GLIS3: variants seen among roughly 807,000 people sequenced by gnomAD.
The protein encoded by GLIS3 is zinc finger protein GLIS3.
Under a neutral mutation model 78.6 loss-of-function variants are expected in GLIS3, and 53 were observed. The observed-to-expected ratio is 0.67, with a 90% CI of 0.54 to 0.85. The LOEUF (loss-of-function observed/expected upper bound fraction) is 0.85. GLIS3 is among the 40% of genes least tolerant of loss of function. The pLI, the probability that GLIS3 is intolerant of heterozygous loss-of-function variation, is 0.00. For missense variants in GLIS3, 1,703 were observed against 1,231.1 expected, an observed-to-expected ratio of 1.38 and a Z score of -5.74; for synonymous variants, 684 against 509.9, an observed-to-expected ratio of 1.34 and a Z score of -4.60.
At chr9:4,053,110 G>A (rs1221063606) in intron 4 of GLIS3, among the ~76,000 whole-genome samples, 2 of 152,148 alleles carry the variant, frequency 1.3e-5, no homozygotes, top group East Asian at 1.9e-4. Context: ...CCCACATCTG[G>A]CTAATTTTTG....
chr9:4,132,076 C>G (rs1356326326), intron 2 of GLIS3, among the ~76,000 whole-genome samples: 2 of 150,194 alleles, frequency 1.3e-5, no homozygotes, highest in East Asian at 2.0e-4. Context: ...CAAAAAACCA[C>G]ATGTCATCAC....
intron 2 of GLIS3, among the ~76,000 whole-genome samples, chr9:4,326,902 G>C (rs1361262333): frequency 6.6e-6 from 1 of 152,126 alleles, no homozygotes; most frequent in South Asian, 2.1e-4. Context: ...ATGCCAGCAA[G>C]GTTTTTCCTT....
intron 2 of GLIS3, among the ~76,000 whole-genome samples, chr9:4,164,691 A>C (rs369248564): frequency 6.6e-6 from 1 of 152,192 alleles, no homozygotes; most frequent in Admixed American, 6.5e-5. Flanking sequence ...TTAGATGGCA[A>C]AGAACATCCC....
chr9:4,461,099 A>T, the GLIS3 span, among the ~76,000 whole-genome samples: 1 of 152,182 alleles, frequency 6.6e-6, no homozygotes, highest in African/African-American at 2.4e-5. Context: ...TCAGAGCATG[A>T]ATATGTCACT....
intron 2 of GLIS3, among the ~76,000 whole-genome samples, chr9:4,239,985 CT>C (rs954302707): frequency 1.3e-5 from 2 of 152,114 alleles, no homozygotes; most frequent in Non-Finnish European, 2.9e-5. Context: ...TCTAACTTCA[CT>C]TTTTTTACGT....
intron 4 of GLIS3, among the ~76,000 whole-genome samples, chr9:3,998,992 T>A (rs1177911887): frequency 6.6e-6 from 1 of 151,924 alleles, no homozygotes; most frequent in South Asian, 2.1e-4. Context: ...CATGCATACA[T>A]AAAGTTACTT....
chr9:4,175,843 T>A (rs1437384356), intron 2 of GLIS3, among the ~76,000 whole-genome samples: 1 of 152,150 alleles, frequency 6.6e-6, no homozygotes, highest in Non-Finnish European at 1.5e-5. Flanking sequence ...GGTAACCCCA[T>A]AAAAGAAGTA....
At chr9:4,017,017 C>A (rs918882451) in intron 4 of GLIS3, among the ~76,000 whole-genome samples, 3 of 152,190 alleles carry the variant, frequency 2.0e-5, no homozygotes, top group African/African-American at 7.2e-5. Context: ...ATTCAATCGG[C>A]CATCATGTGC....
At chr9:4,450,242 G>T in the GLIS3 span, among the ~76,000 whole-genome samples, 1 of 152,150 alleles carries the variant, frequency 6.6e-6, no homozygotes, top group African/African-American at 2.4e-5. Context: ...GAAAGAAAGG[G>T]TATCAGTGAT....
intron 7 of GLIS3, among the ~76,000 whole-genome samples, chr9:3,891,459 T>TG (rs1301563382): frequency 6.6e-6 from 1 of 152,194 alleles, no homozygotes; most frequent in Admixed American, 6.5e-5. Context: ...CTCAGAACTT[T>TG]GGGAGACCAA....
intron 2 of GLIS3, among the ~76,000 whole-genome samples, chr9:4,271,558 G>A (rs899528767): frequency 6.6e-6 from 1 of 152,182 alleles, no homozygotes; most frequent in African/African-American, 2.4e-5. Context: ...CTAGGAAAAA[G>A]CAGCATAAGC....
chr9:4,027,530 T>C (rs571962137), intron 4 of GLIS3, among the ~76,000 whole-genome samples: 1 of 152,286 alleles, frequency 6.6e-6, no homozygotes, highest in East Asian at 1.9e-4. Flanking sequence ...CCAATTCTAT[T>C]GTTCAGTTAA....
At chr9:3,962,834 T>C (rs993211069) in intron 4 of GLIS3, among the ~76,000 whole-genome samples, 1 of 150,614 alleles carries the variant, frequency 6.6e-6, no homozygotes, top group Non-Finnish European at 1.5e-5. Context: ...AGGAGTAAGC[T>C]AAAAACTTGG....
intron 9 of GLIS3, among the ~76,000 whole-genome samples, chr9:3,847,715 G>C (rs1343706725): frequency 2.6e-5 from 4 of 152,148 alleles, no homozygotes; most frequent in African/African-American, 7.2e-5. Context: ...AATGCTTACT[G>C]CACTCTGCAT....
intron 2 of GLIS3, among the ~76,000 whole-genome samples, chr9:4,164,006 T>G (rs1055173240): frequency 8.5e-5 from 13 of 152,242 alleles, no homozygotes; most frequent in African/African-American, 2.7e-4. Flanking sequence ...AGAATTAACT[T>G]TAACCTTATT....
At chr9:4,381,925 G>C in the GLIS3 span, among the ~76,000 whole-genome samples, 1 of 152,248 alleles carries the variant, frequency 6.6e-6, no homozygotes. Context: ...GGTCCCGGCT[G>C]TGGCTAGGGA....
intron 4 of GLIS3, among the ~76,000 whole-genome samples, chr9:4,105,430 T>G (rs1830675203): frequency 6.6e-6 from 1 of 152,178 alleles, no homozygotes; most frequent in South Asian, 2.1e-4. Flanking sequence ...TTATTTTTCC[T>G]TTTTGGCAAC....
At chr9:4,191,955 T>C (rs1186176587) in intron 2 of GLIS3, among the ~76,000 whole-genome samples, 1 of 152,122 alleles carries the variant, frequency 6.6e-6, no homozygotes, top group Non-Finnish European at 1.5e-5. Context: ...AGGTTGGAAG[T>C]GAATGGTGAA....
chr9:4,409,415 T>A, the GLIS3 span, among the ~76,000 whole-genome samples: 1 of 152,160 alleles, frequency 6.6e-6, no homozygotes, highest in South Asian at 2.1e-4. Flanking sequence ...TACTTAGATA[T>A]ATTATCTAAA....
Sources: allele counts gnomAD v4.1 joint callset (sites outside exome capture counted in the v4.1 genomes callset), GRCh38; gene constraint gnomAD v4.1.1; transcripts MANE v1.5; gene names NCBI Gene and HGNC (gene_info 2026-07-23, HGNC 2026-07-21).